The following EGFL6 variants were observed in gnomAD, a reference collection of about 807,000 sequenced individuals.
EGFL6 encodes epidermal growth factor-like protein 6.
A neutral mutation model predicts 43.1 loss-of-function variants in EGFL6; 42 were observed. The ratio of observed to expected loss-of-function variants is 0.98; its 90% confidence interval spans 0.76 to 1.26. The LOEUF (loss-of-function observed/expected upper bound fraction) is 1.26. EGFL6 is among the 50% of genes most tolerant of loss of function. The pLI is 0.00. For synonymous variants in EGFL6, 164 were observed against 163.2 expected, an observed-to-expected ratio of 1.01 and a Z score of -0.04; for missense variants, 429 against 427.8, an observed-to-expected ratio of 1.00 and a Z score of -0.02.
intron 2 of EGFL6, among the ~76,000 whole-genome samples, chrX:13,592,215 TAA>T (rs34800412): frequency 0.011 from 1,029 of 89,956 alleles, 11 homozygotes; most frequent in African/African-American, 0.036. Context: ...CTTCAGGGCT[TAA>T]AAAAAAAAAA....
intron 5 of EGFL6, among the ~76,000 whole-genome samples, chrX:13,604,806 A>G (rs1334667329): frequency 1.8e-5 from 2 of 112,075 alleles, no homozygotes; most frequent in African/African-American, 6.5e-5. Context: ...CTGTGATTTA[A>G]AGAAGCACAT....
chrX:13,569,803 G>T lies in EGFL6; in HGVS notation c.-59G>T, dbSNP rs1327408700. 8 of 1,149,671 alleles carry T rather than the reference G, an allele frequency of 7.0e-6. No homozygotes were observed. Among genetic ancestry groups the T allele is most frequent in the Non-Finnish European group, 8.3e-6 (7 of 842,130 alleles). The allele number at this position is 1,149,671 out of a possible 1,213,427, so 94.7% of individuals were successfully genotyped here. ...GGAGGCGGCGGCTTAGCTGCTACGG[G>T]GTCCGGCCGGCGCCCTCCCGAGGGG... On this transcript the variant is annotated 5_prime_UTR_variant, in exon 1 of 12. Coordinates refer to ENST00000361306, the MANE Select transcript of EGFL6 (RefSeq NM_015507.4).
At chrX:13,587,868 G>T (rs1392333589) in intron 1 of EGFL6, among the ~76,000 whole-genome samples, 1 of 111,937 alleles carries the variant, frequency 8.9e-6, no homozygotes, top group Non-Finnish European at 1.9e-5. Context: ...CACAATAAAT[G>T]TTTTGCTTTA....
intron 7 of EGFL6, 82 bp from the exon 8 acceptor site, chrX:13,617,647 CT>C: frequency 1.1e-6 from 1 of 881,089 alleles, no homozygotes; most frequent in Admixed American, 2.9e-5. Context: ...ACTTACTACA[CT>C]TTAACACTTT....
intron 9 of EGFL6, 65 bp from the exon 10 acceptor site, chrX:13,623,759 C>T: frequency 1.1e-6 from 1 of 941,017 alleles, no homozygotes. Context: ...CTTCCAAAGC[C>T]CCAAATGTTA....
chrX:13,598,736 G>C (rs755230706), intron 3 of EGFL6, among the ~76,000 whole-genome samples: 2 of 107,030 alleles, frequency 1.9e-5, no homozygotes, highest in African/African-American at 3.4e-5. Flanking sequence ...TCTGTACACA[G>C]AGTTTTGTAA....
chrX:13,611,272 G>A (rs1396528198), intron 7 of EGFL6, among the ~76,000 whole-genome samples: 1 of 111,576 alleles, frequency 9.0e-6, no homozygotes, highest in Non-Finnish European at 1.9e-5. Flanking sequence ...TAGTTTAGCG[G>A]GACCATATAG....
At chrX:13,588,415 A>AT (rs2045544756) in intron 1 of EGFL6, among the ~76,000 whole-genome samples, 1 of 112,430 alleles carries the variant, frequency 8.9e-6, no homozygotes, top group Admixed American at 9.4e-5. Flanking sequence ...CCCAGGAAAC[A>AT]TTTTTACAGT....
At chrX:13,608,199 T>C in intron 6 of EGFL6, 125 bp from the exon 7 acceptor site, 1 of 891,049 alleles carries the variant, frequency 1.1e-6, no homozygotes, top group Non-Finnish European at 1.5e-6. Context: ...CACCTCTCAG[T>C]TCTCAGGCAA....
intron 9 of EGFL6, 51 bp from the exon 10 acceptor site, chrX:13,623,773 A>G: frequency 9.7e-7 from 1 of 1,035,259 alleles, no homozygotes; most frequent in Non-Finnish European, 1.4e-6. Flanking sequence ...AATGTTAGAC[A>G]CCTTCCTAAT....
At chrX:13,571,113 A>ACCCCCCC (rs1319876612) in intron 1 of EGFL6, among the ~76,000 whole-genome samples, 3 of 25,625 alleles carry the variant, frequency 1.2e-4, no homozygotes, top group African/African-American at 4.5e-4. Context: ...CCCACCCCCC[A>ACCCCCCC]CCACCACCAC....
intron 1 of EGFL6, 48 bp from the exon 2 acceptor site, chrX:13,589,508 T>C (rs374758031): frequency 1.9e-6 from 2 of 1,058,079 alleles, no homozygotes; most frequent in African/African-American, 3.7e-5. Context: ...AGAGTTTCTG[T>C]TGTCTTTTCT....
At chrX:13,612,322 T>C (rs1437556727) in intron 7 of EGFL6, among the ~76,000 whole-genome samples, 1 of 108,064 alleles carries the variant, frequency 9.3e-6, no homozygotes, top group African/African-American at 3.4e-5. Flanking sequence ...CATTTAACCC[T>C]TAGTGGACAC....
At position 13,589,688 on chromosome X, in the gene EGFL6, G is replaced by A. The variant is rs1435539268; in HGVS notation, c.187+20G>A. 3 of 1,172,769 alleles carry A rather than the reference G, an allele frequency of 2.6e-6. No individual in the cohort carries two copies. Among genetic ancestry groups the A allele is most frequent in the Non-Finnish European group, 3.5e-6 (3 of 863,275 alleles). ...GTGAAGGTAATTTTGTAAAAACTCA[G>A]ACCCTGCACTTGGATCAGGGCCCTT... is the stretch of plus-strand genomic sequence containing the variant. On this transcript the variant is annotated intron_variant, in intron 2 of 11. Transcript: ENST00000361306.
chrX:13,609,127 A>T (rs1286876048), intron 7 of EGFL6, among the ~76,000 whole-genome samples: 1 of 112,398 alleles, frequency 8.9e-6, no homozygotes, highest in Non-Finnish European at 1.9e-5. Flanking sequence ...AATATGTCCA[A>T]AGAGAATTTT....
chrX:13,628,434 G>T (rs1234776334), intron 11 of EGFL6, among the ~76,000 whole-genome samples: 2 of 110,486 alleles, frequency 1.8e-5, no homozygotes, highest in African/African-American at 3.3e-5. Context: ...TTCTTTGGAG[G>T]GGAAGGGTCG....
chrX:13,609,906 A>G (rs753413062), intron 7 of EGFL6, among the ~76,000 whole-genome samples: 10 of 111,983 alleles, frequency 8.9e-5, no homozygotes, highest in Non-Finnish European at 1.9e-4. Context: ...CGCATGTTCA[A>G]TAAATATGGC....
intron 3 of EGFL6, among the ~76,000 whole-genome samples, chrX:13,599,758 A>G (rs2045621340): frequency 9.1e-6 from 1 of 110,376 alleles, no homozygotes. Flanking sequence ...GTGTTGTACC[A>G]ATTTACATTC....
rs192584299 is a variant in EGFL6, at chrX:13,630,066, C to T, written c.1551+2790C>T. ...AGGCAACCATTTTCTGCCCAGGGCT[C>T]TGCCAGGGAGATGCAGTGGTACAGC... On this transcript the variant is annotated intron_variant, in intron 11 of 11. Coordinates refer to ENST00000361306, the MANE Select transcript of EGFL6 (RefSeq NM_015507.4). Among the ~76,000 whole-genome samples, 4 of 111,738 alleles carry T rather than the reference C, an allele frequency of 3.6e-5. No individual in the cohort carries two copies. The East Asian group carries it at 8.4e-4, about 24-fold the overall frequency.
Sources: allele counts gnomAD v4.1 joint callset (sites outside exome capture counted in the v4.1 genomes callset), GRCh38; gene constraint gnomAD v4.1.1; transcripts MANE v1.5; gene names NCBI Gene and HGNC (gene_info 2026-07-23, HGNC 2026-07-21).